DLG2: variants seen among roughly 807,000 people sequenced by gnomAD.
DLG2 encodes the protein discs large MAGUK scaffold protein 2, also known as disks large homolog 2.
In DLG2, 45 loss-of-function variants were observed where a neutral mutation model predicts 132.5. That is an observed-to-expected ratio of 0.34 (90% CI 0.27 to 0.44). DLG2 has a LOEUF of 0.44. Ranked by LOEUF, DLG2 falls within the 20% of genes least tolerant of loss-of-function variation. DLG2 has a pLI of 1.00. For missense variants in DLG2, 1,045 were observed against 1,196.9 expected (o/e 0.87, Z 1.87); for synonymous variants, 424 against 419.6 (o/e 1.01, Z -0.13).
chr11:84,797,994 G>T (rs1201341924), intron 6 of DLG2, among the ~76,000 whole-genome samples: 1 of 152,104 alleles, frequency 6.6e-6, no homozygotes, highest in East Asian at 1.9e-4. Context: ...AGATACTCTT[G>T]CTCTCTTGCT....
chr11:84,853,408 C>A (rs2082384400), intron 6 of DLG2, among the ~76,000 whole-genome samples: 1 of 151,996 alleles, frequency 6.6e-6, no homozygotes, highest in African/African-American at 2.4e-5. Flanking sequence ...GACAGTCAGA[C>A]TTGTAAGAGA....
intron 16 of DLG2, among the ~76,000 whole-genome samples, chr11:83,839,127 TA>T (rs1188747570): frequency 6.6e-6 from 1 of 152,174 alleles, no homozygotes; most frequent in African/African-American, 2.4e-5. Context: ...AGAAAACATA[TA>T]ATGTTTGCAT....
At chr11:85,563,400 C>T (rs2077359723) in intron 3 of DLG2, among the ~76,000 whole-genome samples, 2 of 151,138 alleles carry the variant, frequency 1.3e-5, no homozygotes, top group Non-Finnish European at 3.0e-5. Context: ...CCCAAATGTC[C>T]ATTAGTAAAT....
intron 6 of DLG2, among the ~76,000 whole-genome samples, chr11:84,868,742 GAC>G (rs2085019527): frequency 6.6e-6 from 1 of 152,154 alleles, no homozygotes; most frequent in Non-Finnish European, 1.5e-5. Context: ...GTAGCTCAGC[GAC>G]GTTGCCAATA....
At chr11:85,078,803 T>C (rs901394693) in intron 6 of DLG2, among the ~76,000 whole-genome samples, 13 of 152,072 alleles carry the variant, frequency 8.5e-5, no homozygotes, top group African/African-American at 2.9e-4. Flanking sequence ...ACATAAAAAT[T>C]ATTGTTAACC....
At chr11:83,688,762 C>T (rs534713622) in intron 18 of DLG2, among the ~76,000 whole-genome samples, 2 of 152,114 alleles carry the variant, frequency 1.3e-5, no homozygotes, top group African/African-American at 2.4e-5. Flanking sequence ...AAGGAGAAAG[C>T]CTTCCTACAT....
At chr11:85,564,898 A>G (rs1246764896) in intron 3 of DLG2, among the ~76,000 whole-genome samples, 1 of 152,044 alleles carries the variant, frequency 6.6e-6, no homozygotes, top group African/African-American at 2.4e-5. Context: ...CTATTTATTC[A>G]GGTCTTATTT....
intron 16 of DLG2, among the ~76,000 whole-genome samples, chr11:83,848,885 A>G (rs1246799736): frequency 2.0e-5 from 3 of 152,212 alleles, no homozygotes; most frequent in Admixed American, 2.0e-4. Context: ...TTATCCTTCA[A>G]CAATTCCACA....
chr11:84,888,198 TG>T (rs1289994816), intron 6 of DLG2, among the ~76,000 whole-genome samples: 1 of 152,168 alleles, frequency 6.6e-6, no homozygotes, highest in Non-Finnish European at 1.5e-5. Flanking sequence ...TTTCTGAATG[TG>T]TCTGTGAGGG....
At chr11:84,797,048 T>C (rs1435751387) in intron 6 of DLG2, among the ~76,000 whole-genome samples, 1 of 152,090 alleles carries the variant, frequency 6.6e-6, no homozygotes, top group Non-Finnish European at 1.5e-5. Context: ...GGTTTCTCCA[T>C]GTTGGTCAGG....
chr11:83,975,529 A>G (rs71465579), intron 12 of DLG2, among the ~76,000 whole-genome samples: 6,471 of 152,136 alleles, frequency 0.043, 197 homozygotes, highest in Non-Finnish European at 0.067. Context: ...TTGCAAAGGT[A>G]ACAGACAGAG....
chr11:83,477,025 A>C (rs1198461043), intron 22 of DLG2, among the ~76,000 whole-genome samples: 3 of 152,088 alleles, frequency 2.0e-5, no homozygotes, highest in Non-Finnish European at 4.4e-5. Context: ...TCAACACGTT[A>C]GTTTCACTCA....
intron 16 of DLG2, among the ~76,000 whole-genome samples, chr11:83,867,297 C>G (rs908846793): frequency 3.3e-5 from 5 of 152,018 alleles, no homozygotes; most frequent in African/African-American, 1.2e-4. Flanking sequence ...GTTAAAGGTA[C>G]CTAAATTGTT....
At chr11:85,097,146 TC>T (rs1336615302) in intron 6 of DLG2, among the ~76,000 whole-genome samples, 1 of 152,202 alleles carries the variant, frequency 6.6e-6, no homozygotes, top group Non-Finnish European at 1.5e-5. Flanking sequence ...TTCTCTCATC[TC>T]CCAGGGTAGT....
At chr11:84,551,982 T>C (rs947009695) in intron 6 of DLG2, among the ~76,000 whole-genome samples, 2 of 152,142 alleles carry the variant, frequency 1.3e-5, no homozygotes, top group Admixed American at 6.6e-5. Context: ...TCTAACTAAA[T>C]TGCCAGAACA....
At position 84,456,534 on chromosome 11, in the gene DLG2, G is replaced by T. The variant is rs576063019; in HGVS notation, c.519+78036C>A. On this transcript the variant is annotated intron_variant, in intron 7 of 27. Transcript: ENST00000376104. ...AGATCTCCTAACTGGTCACTGCTTT[G>T]GTCCTTGGGCTTTAAAAACACCACA... is the stretch of plus-strand genomic sequence containing the variant. Among the ~76,000 whole-genome samples the T allele has an allele frequency of 3.3e-5, 5 of 151,296 alleles. 1 individual carries two copies. Among genetic ancestry groups the T allele is most frequent in the African/African-American group, 1.2e-4 (5 of 41,422 alleles).
chr11:84,416,261 C>A (rs1451170101), intron 7 of DLG2, among the ~76,000 whole-genome samples: 2 of 152,158 alleles, frequency 1.3e-5, no homozygotes, highest in Non-Finnish European at 2.9e-5. Context: ...GACTAACATT[C>A]AATGCTTCTT....
chr11:84,529,261 C>G (rs2099329581), intron 7 of DLG2, among the ~76,000 whole-genome samples: 1 of 152,122 alleles, frequency 6.6e-6, no homozygotes, highest in African/African-American at 2.4e-5. Flanking sequence ...TATCACCATT[C>G]CTTTTCAACA....
rs569667312 is a variant in DLG2 at position 84,182,243 on chromosome 11, C to A, written c.574-18732G>T. 9.9e-5 allele frequency among the ~76,000 whole-genome samples: 15 copies of A among 152,064 alleles called. No homozygotes were observed. In the East Asian group the frequency reaches 2.9e-3, roughly 29 times the overall value. The stretch of plus-strand genomic sequence containing the variant: ...AGACAGCTGGAAAATTATGAAGTAC[C>A]TGGAGATTAAACACATGGGTAAAAG... On this transcript the variant is annotated intron_variant, in intron 8 of 27. Coordinates refer to ENST00000376104, the MANE Select transcript of DLG2 (RefSeq NM_001142699.3).
Sources: gnomAD v4.1 joint callset for allele counts (sites outside exome capture counted in the v4.1 genomes callset) on GRCh38, gnomAD v4.1.1 for gene constraint, MANE v1.5 for transcripts, NCBI Gene and HGNC (gene_info 2026-07-23, HGNC 2026-07-21) for gene names.